Variants in ZNF723 observed in about 807,000 individuals in gnomAD.
The protein encoded by ZNF723 is zinc finger protein 723, pseudogene.
Under a neutral mutation model 9.4 loss-of-function variants are expected in ZNF723, and 5 were observed. The ratio of observed to expected loss-of-function variants is 0.53; its 90% confidence interval spans 0.28 to 1.12. The LOEUF is 1.12. Among genes scored for constraint, ZNF723 ranks in the 50% most tolerant of loss-of-function variants. The pLI, the probability that ZNF723 is intolerant of heterozygous loss-of-function variation, is 0.10. For missense variants in ZNF723, 450 were observed against 501.5 expected (o/e 0.90, Z 0.98); for synonymous variants, 158 against 168.8 (o/e 0.94, Z 0.49).
chr19:22,815,104 C>T, the ZNF723 span, among the ~76,000 whole-genome samples: 3 of 152,060 alleles, frequency 2.0e-5, no homozygotes, highest in East Asian at 5.8e-4. Flanking sequence ...CTGAACCCTG[C>T]TGAAAGGGAG....
In ZNF723 at chr19:22,857,507, T is replaced by G; in HGVS notation, c.616T>G (p.Cys206Gly). 2 of 1,200,428 alleles carry G rather than the reference T, an allele frequency of 1.7e-6. No homozygotes were observed. Among genetic ancestry groups the G allele is most frequent in the South Asian group, 2.4e-5 (2 of 81,926 alleles). The allele number at this position is 1,200,428 out of a possible 1,614,324, so 74.4% of individuals were successfully genotyped here. The change falls in exon 4 of 4, where the codon TGT (cysteine) becomes GGT (glycine). Residue 206 changes from cysteine to glycine, a missense_variant. Cys to Gly is a radical substitution (Grantham distance 159, BLOSUM62 -3). Coordinates refer to ENST00000600766, the MANE Select transcript of ZNF723 (RefSeq NM_001349726.2). The stretch of plus-strand genomic sequence containing the variant: ...AGTGAATTGTTACAAATGTGAAGAA[T>G]GTGGCAAAGCCTTTAGTGTGCCCTC... ...TRVNCYKCEE[C>G]GKAFSVPSKL...
At chr19:22,838,704 T>G (rs1035060448) in intron 1 of ZNF723, among the ~76,000 whole-genome samples, 1 of 151,868 alleles carries the variant, frequency 6.6e-6, no homozygotes, top group African/African-American at 2.4e-5. Context: ...ATATACTATA[T>G]TTTTCTTTTT....
At chr19:22,854,956 A>C (rs1000401654) in intron 3 of ZNF723, among the ~76,000 whole-genome samples, 4 of 152,022 alleles carry the variant, frequency 2.6e-5, no homozygotes, top group African/African-American at 9.7e-5. Context: ...CTGAGGCAAG[A>C]GAATCGCTTG....
At chr19:22,832,445 G>A in intron 1 of ZNF723, 63 bp downstream of exon 1, 2 of 1,333,480 alleles carry the variant, frequency 1.5e-6, no homozygotes, top group Admixed American at 3.5e-5. Context: ...GGTGGGAAGT[G>A]GCTGTGGCGG....
At chr19:22,838,641 C>CA (rs1967200091) in intron 1 of ZNF723, among the ~76,000 whole-genome samples, 1 of 152,034 alleles carries the variant, frequency 6.6e-6, no homozygotes, top group African/African-American at 2.4e-5. Flanking sequence ...CATGTTGCTG[C>CA]AAAAAACATG....
At chr19:22,829,160 GAAACTTCATCTCAGT>G, upstream of ZNF723, among the ~76,000 whole-genome samples, 1 of 150,966 alleles carries the variant, frequency 6.6e-6, no homozygotes, top group African/African-American at 2.4e-5. Flanking sequence ...GTGACAGAGT[GAAACTTCATCTCAGT>G]AATAAACAAA....
the ZNF723 span, among the ~76,000 whole-genome samples, chr19:22,820,864 C>G: frequency 6.6e-6 from 1 of 152,178 alleles, no homozygotes; most frequent in African/African-American, 2.4e-5. Flanking sequence ...AACTGTGACT[C>G]TCCTATGCAC....
At chr19:22,820,022 A>T in the ZNF723 span, among the ~76,000 whole-genome samples, 1 of 152,100 alleles carries the variant, frequency 6.6e-6, no homozygotes, top group South Asian at 2.1e-4. Context: ...GGGCCATGCC[A>T]AAAGGGGGGA....
rs1599482823 is a variant in ZNF723 at position 22,857,962 on chromosome 19, T to A, written c.1071T>A (p.Thr357=). The change falls in exon 4 of 4, where the codon ACT becomes ACA. Residue 357 remains threonine, a synonymous_variant. Coordinates refer to ENST00000600766, the MANE Select transcript of ZNF723 (RefSeq NM_001349726.2). ...GKAFSQSSHI[T]THKRIHTGEK... ...CATTCAGCCAGTCCTCACACATTAC[T>A]ACACATAAGAGAATTCACACTGGAG... The A allele has an allele frequency of 2.6e-6, 4 of 1,528,924 alleles. No individual in the cohort carries two copies. In the East Asian group the frequency reaches 9.0e-5, roughly 34 times the overall value. 94.7% of individuals were successfully genotyped at this position (1,528,924 alleles called of 1,614,324 possible).
chr19:22,821,418 C>A, the ZNF723 span, among the ~76,000 whole-genome samples: 1 of 152,090 alleles, frequency 6.6e-6, no homozygotes, highest in Non-Finnish European at 1.5e-5. Flanking sequence ...TATATTCTCT[C>A]CTGCCTGGGC....
rs138066347 is a variant in ZNF723, at chr19:22,849,996, TG to T, written c.226+705del. Among the ~76,000 whole-genome samples the T allele has an allele frequency of 5.2e-3, 793 of 152,236 alleles. 9 individuals are homozygous for T. Among genetic ancestry groups the T allele is most frequent in the African/African-American group, 0.018 (748 of 41,550 alleles). ...TCGTGTTTAAAATATGTGAGAGTAG[TG>T]GTTTCTGTTCCATTTGTTTTTTCAT... is the stretch of plus-strand genomic sequence containing the variant. On this transcript the variant is annotated intron_variant, in intron 3 of 3. Coordinates refer to ENST00000600766, the MANE Select transcript of ZNF723 (RefSeq NM_001349726.2).
At chr19:22,833,926 CTTTTTTTT>C (rs34792208) in intron 1 of ZNF723, among the ~76,000 whole-genome samples, 2 of 89,316 alleles carry the variant, frequency 2.2e-5, no homozygotes, top group African/African-American at 4.4e-5. Flanking sequence ...TTTTAGCGTA[CTTTTTTTT>C]TTTTTTTTTT....
the ZNF723 span, among the ~76,000 whole-genome samples, chr19:22,814,070 C>T: frequency 2.6e-5 from 4 of 152,074 alleles, no homozygotes; most frequent in African/African-American, 9.7e-5. Flanking sequence ...CCTCGGCCTC[C>T]CAAAGTGCTG....
chr19:22,851,823 G>A (rs1308647624), intron 3 of ZNF723, among the ~76,000 whole-genome samples: 1 of 152,100 alleles, frequency 6.6e-6, no homozygotes, highest in Non-Finnish European at 1.5e-5. Flanking sequence ...TTTTGCTCTT[G>A]TTGCCCAGGC....
chr19:22,843,446 A>C (rs1307908575), intron 1 of ZNF723, among the ~76,000 whole-genome samples: 1 of 152,204 alleles, frequency 6.6e-6, no homozygotes, highest in Admixed American at 6.5e-5. Context: ...ATGTTTCTCC[A>C]GTTTTCAGAT....
At chr19:22,826,186 T>C in the ZNF723 span, among the ~76,000 whole-genome samples, 331 of 152,314 alleles carry the variant, frequency 2.2e-3, 14 homozygotes, top group South Asian at 0.068. Context: ...TTAGGTGATG[T>C]GACTCTCTTG....
At chr19:22,834,458 G>A (rs1055681790) in intron 1 of ZNF723, among the ~76,000 whole-genome samples, 1 of 151,750 alleles carries the variant, frequency 6.6e-6, no homozygotes, top group Non-Finnish European at 1.5e-5. Flanking sequence ...ACTTTATGGG[G>A]TTTTGTGTCC....
upstream of ZNF723, among the ~76,000 whole-genome samples, chr19:22,830,762 T>C (rs1967085158): frequency 6.6e-6 from 1 of 152,116 alleles, no homozygotes; most frequent in Non-Finnish European, 1.5e-5. Context: ...GCAATTTTTC[T>C]TTTTTTCTTT....
the ZNF723 span, among the ~76,000 whole-genome samples, chr19:22,819,716 A>G: frequency 6.6e-6 from 1 of 152,220 alleles, no homozygotes; most frequent in African/African-American, 2.4e-5. Context: ...TATCCTGCCT[A>G]AAACCTATTT....
Sources: gnomAD v4.1 joint callset for allele counts (sites outside exome capture counted in the v4.1 genomes callset) on GRCh38, gnomAD v4.1.1 for gene constraint, MANE v1.5 for transcripts, NCBI Gene and HGNC (gene_info 2026-07-23, HGNC 2026-07-21) for gene names.